Variants in IL1R1 observed in about 807,000 individuals in gnomAD.
IL1R1 encodes interleukin 1 receptor type 1, also known as interleukin-1 receptor type 1.
IL1R1 carries 22 observed loss-of-function variants against 50.2 expected under a neutral mutation model. The observed-to-expected ratio is 0.44, with a 90% CI of 0.31 to 0.63. IL1R1 has a LOEUF of 0.63. Ranked by LOEUF, IL1R1 falls within the 20% of genes least tolerant of loss-of-function variation. The pLI, the probability that IL1R1 is intolerant of heterozygous loss-of-function variation, is 0.07. For synonymous variants in IL1R1, 251 were observed against 236.7 expected (o/e 1.06, Z -0.55); for missense variants, 509 against 676.2 (o/e 0.75, Z 2.74).
At chr2:102,117,345 A>T (rs1489673208) in intron 1 of IL1R1, among the ~76,000 whole-genome samples, 1 of 152,174 alleles carries the variant, frequency 6.6e-6, no homozygotes, top group Non-Finnish European at 1.5e-5. Flanking sequence ...AGAGAAGCTG[A>T]CAGAACACAG....
chr2:102,163,357 T>C (rs527287433), intron 3 of IL1R1, among the ~76,000 whole-genome samples: 1 of 152,200 alleles, frequency 6.6e-6, no homozygotes, highest in Non-Finnish European at 1.5e-5. Flanking sequence ...TCATATTACA[T>C]GTATTGAAGT....
Position 102,098,824 on chromosome 2 carries a change from T to C in IL1R1, c.-84+28291T>C, listed in dbSNP as rs1293539969. ...GTGGCTATATTGTTTACAACAAAAGTATTTTTAAAATTTGTACTAATGAGA... is the reference window on the plus strand; with the variant it reads ...GTGGCTATATTGTTTACAACAAAAGCATTTTTAAAATTTGTACTAATGAGA... On this transcript the variant is annotated intron_variant, in intron 1 of 11. Transcript: ENST00000409929. Among the ~76,000 whole-genome samples the C allele has an allele frequency of 3.3e-5, 5 of 152,244 alleles. No homozygotes were observed. In the South Asian group the frequency reaches 1.0e-3, roughly 31 times the overall value.
intron 1 of IL1R1, among the ~76,000 whole-genome samples, chr2:102,123,543 A>C (rs905958889): frequency 2.0e-5 from 3 of 152,216 alleles, no homozygotes; most frequent in African/African-American, 7.2e-5. Context: ...TGGGAGGCCA[A>C]GGCAGACAGA....
intron 1 of IL1R1, among the ~76,000 whole-genome samples, chr2:102,118,774 T>C (rs996200629): frequency 6.6e-6 from 1 of 152,042 alleles, no homozygotes; most frequent in Admixed American, 6.5e-5. Context: ...TCCCAGCACT[T>C]TGGGAGGCCA....
chr2:102,124,873 G>T (rs1339124615), intron 1 of IL1R1, among the ~76,000 whole-genome samples: 1 of 152,052 alleles, frequency 6.6e-6, no homozygotes, highest in African/African-American at 2.4e-5. Context: ...CTGAGATTGT[G>T]CCATTGCACT....
At chr2:102,167,659 A>C (rs1384188716) in intron 6 of IL1R1, among the ~76,000 whole-genome samples, 1 of 151,744 alleles carries the variant, frequency 6.6e-6, no homozygotes, top group African/African-American at 2.4e-5. Flanking sequence ...CGTGTTAGCC[A>C]GGATGGTCTC....
At chr2:102,079,309 C>T (rs1679108280) in intron 1 of IL1R1, among the ~76,000 whole-genome samples, 2 of 152,092 alleles carry the variant, frequency 1.3e-5, no homozygotes, top group South Asian at 4.1e-4. Flanking sequence ...TTGGAAAAAA[C>T]CAGCTCTATT....
intron 3 of IL1R1, among the ~76,000 whole-genome samples, chr2:102,162,257 A>C (rs3917266): frequency 6.6e-6 from 1 of 151,928 alleles, no homozygotes; most frequent in Non-Finnish European, 1.5e-5. Flanking sequence ...TTTCTTTTTA[A>C]TCTATTTTTA....
intron 9 of IL1R1, among the ~76,000 whole-genome samples, chr2:102,173,585 G>A (rs1451301811): frequency 3.9e-5 from 6 of 152,118 alleles, no homozygotes; most frequent in African/African-American, 1.2e-4. Flanking sequence ...AAAATATTGA[G>A]ATAAATTAGA....
intron 1 of IL1R1, among the ~76,000 whole-genome samples, chr2:102,099,422 T>C (rs1306136576): frequency 1.3e-5 from 2 of 152,194 alleles, no homozygotes; most frequent in Non-Finnish European, 2.9e-5. Context: ...GTTATGAAGA[T>C]CTTTTTCACA....
At chr2:102,151,125 C>G (rs189198098) in intron 1 of IL1R1, among the ~76,000 whole-genome samples, 1 of 152,108 alleles carries the variant, frequency 6.6e-6, no homozygotes, top group African/African-American at 2.4e-5. Flanking sequence ...ACCTAGTATG[C>G]CTTCTGGCAG....
intron 1 of IL1R1, among the ~76,000 whole-genome samples, chr2:102,116,875 A>G (rs368980429): frequency 3.9e-5 from 6 of 152,174 alleles, no homozygotes; most frequent in African/African-American, 1.4e-4. Context: ...TAAAATTTGC[A>G]TGTCTCTAAC....
At chr2:102,144,808 G>A (rs1682977224) in intron 1 of IL1R1, among the ~76,000 whole-genome samples, 1 of 152,198 alleles carries the variant, frequency 6.6e-6, no homozygotes, top group Admixed American at 6.5e-5. Context: ...GAGATGATGG[G>A]CACAGATGTA....
At chr2:102,170,440 A>G (rs1685571124) in intron 7 of IL1R1, among the ~76,000 whole-genome samples, 1 of 152,236 alleles carries the variant, frequency 6.6e-6, no homozygotes, top group South Asian at 2.1e-4. Flanking sequence ...AGGTATGCTT[A>G]CCACAAGGGA....
chr2:102,158,036 A>G (rs2104532836), intron 3 of IL1R1, among the ~76,000 whole-genome samples: 1 of 152,350 alleles, frequency 6.6e-6, no homozygotes, highest in East Asian at 1.9e-4. Context: ...TAGTTTTGGA[A>G]CAAAAGCTAA....
intron 1 of IL1R1, among the ~76,000 whole-genome samples, chr2:102,152,737 C>A (rs36214470): frequency 2.6e-5 from 4 of 151,946 alleles, no homozygotes; most frequent in Non-Finnish European, 2.9e-5. Flanking sequence ...GGACTGGGAG[C>A]GGGAGGATGT....
rs35265416 is a variant in IL1R1 at position 102,172,031 on chromosome 2, CTTTTTTTT to C, written c.839+131_839+138del. 349 of 88,542 alleles carry C rather than the reference CTTTTTTTT, an allele frequency of 3.9e-3. 1 individual carries two copies. The highest frequency in any genetic ancestry group is 7.8e-3 in the Middle Eastern group (2 of 256). 5.5% of individuals were successfully genotyped at this position (88,542 alleles called of 1,614,324 possible). ...GTTAGTTGCTCCTAACCTTTGCTGC[CTTTTTTTT>C]TTTTTTTTTTTTTTTTTGCTAAGCT... On this transcript the variant is annotated intron_variant, in intron 8 of 11. Coordinates refer to ENST00000410023, the MANE Select transcript of IL1R1 (RefSeq NM_000877.4).
At position 102,072,570 on chromosome 2, in the gene IL1R1, T is replaced by TTTATTGG. The variant is rs1436806819; in HGVS notation, c.-84+2037_-84+2038insTTATTGG. Among the ~76,000 whole-genome samples the TTTATTGG allele has an allele frequency of 4.6e-5, 7 of 152,272 alleles. No individual in the cohort carries two copies. The South Asian group carries it at 1.5e-3, about 32-fold the overall frequency. ...AGTAATCTTGAACATGTTTTTCACG[T>TTTATTGG]CTATTGGCTTTTTGCTTTTTGCTTA... On this transcript the variant is annotated intron_variant, in intron 1 of 11. Coordinates refer to the IL1R1 transcript ENST00000409929.
chr2:102,103,521 G>A (rs1051800422), upstream of IL1R1, among the ~76,000 whole-genome samples: 2 of 152,156 alleles, frequency 1.3e-5, no homozygotes, highest in Admixed American at 1.3e-4. Context: ...AAAGGGTAGC[G>A]GGAACAATGA....
Sources: gnomAD v4.1 joint callset for allele counts (sites outside exome capture counted in the v4.1 genomes callset) on GRCh38, gnomAD v4.1.1 for gene constraint, MANE v1.5 for transcripts, NCBI Gene and HGNC (gene_info 2026-07-23, HGNC 2026-07-21) for gene names.